The following PKHD1 variants were observed in gnomAD, a reference collection of about 807,000 sequenced individuals.
The protein encoded by PKHD1 is fibrocystin.
In PKHD1, 291 loss-of-function variants were observed where a neutral mutation model predicts 412.0. The observed-to-expected ratio is 0.71, with a 90% confidence interval of 0.64 to 0.78. The LOEUF is 0.78. Among genes scored for constraint, PKHD1 ranks in the 30% least tolerant of loss-of-function variants. PKHD1 has a pLI of 0.00. For missense variants in PKHD1, 4,825 were observed against 4,950.7 expected (o/e 0.97, Z 0.76); for synonymous variants, 1,777 against 1,821.5 (o/e 0.98, Z 0.62).
chr6:51,644,369 T>C (rs937465179), intron 63 of PKHD1, among the ~76,000 whole-genome samples: 5 of 152,200 alleles, frequency 3.3e-5, no homozygotes, highest in African/African-American at 1.2e-4. Flanking sequence ...CACCATATGA[T>C]AGGAACAGTT....
At chr6:51,640,823 GAT>G (rs548665674) in intron 63 of PKHD1, among the ~76,000 whole-genome samples, 115 of 152,260 alleles carry the variant, frequency 7.6e-4, no homozygotes, top group African/African-American at 2.6e-3. Flanking sequence ...AATGTCAAAG[GAT>G]ATTGAAGACC....
At chr6:51,796,817 A>ATT (rs35774390) in intron 52 of PKHD1, among the ~76,000 whole-genome samples, 47,394 of 136,696 alleles carry the variant, frequency 0.35, 10,303 homozygotes, top group East Asian at 0.71. Flanking sequence ...TTTTGAATAG[A>ATT]TTTTTTTTTT....
chr6:51,983,916 C>T (rs1323852068), intron 35 of PKHD1, among the ~76,000 whole-genome samples: 2 of 152,216 alleles, frequency 1.3e-5, no homozygotes, highest in African/African-American at 4.8e-5. Flanking sequence ...GCTATCCCTG[C>T]TCTGTGATGT....
chr6:52,018,513 AATT>A (rs945300943), intron 33 of PKHD1, among the ~76,000 whole-genome samples: 1 of 151,846 alleles, frequency 6.6e-6, no homozygotes, highest in East Asian at 1.9e-4. Flanking sequence ...TAGGTTGACC[AATT>A]ATTATTATTA....
In PKHD1 at chr6:51,638,832, A is replaced by G; in HGVS notation, c.11506+17T>C. The stretch of plus-strand genomic sequence containing the variant: ...AAAAAAAAAAACACAGAATAAAAGC[A>G]CACTGTATAAAATTACCTGGAGGAG... On this transcript the variant is annotated intron_variant, in intron 64 of 66. Coordinates refer to ENST00000371117, the MANE Select transcript of PKHD1 (RefSeq NM_138694.4). 1 of 1,427,960 alleles carries G rather than the reference A, an allele frequency of 7.0e-7. No individual in the cohort carries two copies. The highest frequency in any genetic ancestry group is 9.9e-7 in the Non-Finnish European group (1 of 1,011,372). 88.5% of individuals were successfully genotyped at this position (1,427,960 alleles called of 1,614,324 possible).
At chr6:51,620,787 C>T (rs1407402243) in intron 66 of PKHD1, among the ~76,000 whole-genome samples, 1 of 146,836 alleles carries the variant, frequency 6.8e-6, no homozygotes, top group Non-Finnish European at 1.5e-5. Flanking sequence ...ATTATATATA[C>T]ATATATATAT....
chr6:52,014,563 CAGAT>C (rs1297339796), intron 34 of PKHD1, among the ~76,000 whole-genome samples: 4 of 139,554 alleles, frequency 2.9e-5, no homozygotes, highest in East Asian at 2.1e-4. Flanking sequence ...ACTGGATAAA[CAGAT>C]GGATCATGGA....
intron 60 of PKHD1, among the ~76,000 whole-genome samples, chr6:51,666,995 C>A (rs1773924915): frequency 6.7e-6 from 1 of 149,164 alleles, no homozygotes; most frequent in South Asian, 2.2e-4. Context: ...AATAATGCCG[C>A]AATAAACATA....
At chr6:52,076,418 T>C in intron 5 of PKHD1, 85 bp from the exon 6 acceptor site, 2 of 933,290 alleles carry the variant, frequency 2.1e-6, no homozygotes, top group Non-Finnish European at 3.6e-6. Flanking sequence ...CAGACAGCAT[T>C]ACTTGAAGGT....
intron 27 of PKHD1, among the ~76,000 whole-genome samples, chr6:52,037,704 GTAAA>G: frequency 6.6e-6 from 1 of 152,294 alleles, no homozygotes; most frequent in East Asian, 1.9e-4. Flanking sequence ...GTAAAATGTG[GTAAA>G]TAAACACTCA....
At chr6:51,803,013 G>C (rs1188488115) in intron 52 of PKHD1, among the ~76,000 whole-genome samples, 1 of 150,958 alleles carries the variant, frequency 6.6e-6, no homozygotes, top group African/African-American at 2.5e-5. Context: ...ATGTTTAAGA[G>C]AGAGTTTAAA....
rs761569050 is a variant in PKHD1, at chr6:52,048,978, G to A, written c.2280-359C>T. On this transcript the variant is annotated intron_variant, in intron 22 of 66. Transcript: ENST00000371117. ...CATTTAGTCAAGGAAAGTAAAGCACGGGTTCAAACTTTCTGCACCTGCCTT... is the reference window on the plus strand; with the variant it reads ...CATTTAGTCAAGGAAAGTAAAGCACAGGTTCAAACTTTCTGCACCTGCCTT... 7.2e-5 allele frequency among the ~76,000 whole-genome samples: 11 copies of A among 152,172 alleles called. 1 individual carries two copies. The highest frequency in any genetic ancestry group is 1.2e-4 in the Non-Finnish European group (8 of 68,026).
chr6:52,048,181 G>A (rs1360736426), intron 23 of PKHD1, among the ~76,000 whole-genome samples: 1 of 152,210 alleles, frequency 6.6e-6, no homozygotes, highest in Admixed American at 6.5e-5. Flanking sequence ...AACTGGGGGA[G>A]AATCATTTTT....
chr6:51,995,216 C>T (rs1797588050), intron 35 of PKHD1, among the ~76,000 whole-genome samples: 1 of 152,194 alleles, frequency 6.6e-6, no homozygotes, highest in Admixed American at 6.5e-5. Context: ...TTAGAACTCA[C>T]CTTACCTGCC....
chr6:52,079,298 C>G (rs1439392295), intron 5 of PKHD1, among the ~76,000 whole-genome samples: 1 of 152,168 alleles, frequency 6.6e-6, no homozygotes, highest in Non-Finnish European at 1.5e-5. Flanking sequence ...TTTTTGATCT[C>G]CCTGAGCATG....
intron 36 of PKHD1, among the ~76,000 whole-genome samples, chr6:51,939,795 C>T (rs902846001): frequency 6.6e-6 from 1 of 151,312 alleles, no homozygotes; most frequent in African/African-American, 2.4e-5. Context: ...TTCTACAGAC[C>T]CATCTGACTT....
chr6:51,982,173 C>G (rs1424818408), intron 35 of PKHD1, among the ~76,000 whole-genome samples: 2 of 43,610 alleles, frequency 4.6e-5, no homozygotes, highest in Admixed American at 3.1e-4. Context: ...GCCACCCCGT[C>G]CGGGAGGGAG....
At chr6:51,693,631 G>C (rs1778432156) in intron 60 of PKHD1, among the ~76,000 whole-genome samples, 1 of 152,216 alleles carries the variant, frequency 6.6e-6, no homozygotes, top group African/African-American at 2.4e-5. Flanking sequence ...AGCCCAGCTG[G>C]TTCAGCGGAT....
intron 53 of PKHD1, among the ~76,000 whole-genome samples, chr6:51,788,871 C>G (rs1793297508): frequency 6.6e-6 from 1 of 152,122 alleles, no homozygotes; most frequent in Non-Finnish European, 1.5e-5. Context: ...TGTTTAATAT[C>G]CCTCTGAAGA....
Sources: allele counts gnomAD v4.1 joint callset (sites outside exome capture counted in the v4.1 genomes callset), GRCh38; gene constraint gnomAD v4.1.1; transcripts MANE v1.5; gene names NCBI Gene and HGNC (gene_info 2026-07-23, HGNC 2026-07-21).